METAP1D: variants seen among roughly 807,000 people sequenced by gnomAD.
METAP1D encodes the protein methionine aminopeptidase 1D, mitochondrial.
METAP1D carries 31 observed loss-of-function variants against 40.5 expected under a neutral mutation model. That is an observed-to-expected ratio of 0.77 (90% CI 0.58 to 1.03). The LOEUF (loss-of-function observed/expected upper bound fraction) is 1.03, where lower values mean the gene tolerates loss of function less well. Ranked by LOEUF, METAP1D falls within the 50% of genes least tolerant of loss-of-function variation. The probability of loss-of-function intolerance (pLI) is 0.00; values close to 1 mark genes in which losing one functional copy is unlikely to be tolerated. For missense variants in METAP1D, 411 were observed against 420.7 expected, an observed-to-expected ratio of 0.98 and a Z score of 0.20; for synonymous variants, 151 against 146.4, an observed-to-expected ratio of 1.03 and a Z score of -0.22.
rs546751682 is a variant in METAP1D, at chr2:172,067,277, G to A, written c.540+971G>A. Among the ~76,000 whole-genome samples the A allele has an allele frequency of 2.0e-5, 3 of 152,290 alleles. No homozygotes were observed. The South Asian group carries it at 6.2e-4, about 32-fold the overall frequency. On this transcript the variant is annotated intron_variant, in intron 5 of 9. Transcript: ENST00000315796. Reference sequence around the variant, plus strand: ...TAATAAGGAAGTGTTTTTAAGAATAGTATCTAGACCATGAAACTGAAGTAG... The same window carrying A: ...TAATAAGGAAGTGTTTTTAAGAATAATATCTAGACCATGAAACTGAAGTAG...
intron 1 of METAP1D, among the ~76,000 whole-genome samples, chr2:172,054,329 G>A (rs1187037035): frequency 2.0e-5 from 3 of 152,046 alleles, no homozygotes; most frequent in African/African-American, 7.2e-5. Context: ...AGACCATCCT[G>A]GCCAACATGG....
intron 1 of METAP1D, among the ~76,000 whole-genome samples, chr2:172,005,545 T>TATATATATATATA (rs1558990285): frequency 1.0e-5 from 1 of 99,524 alleles, no homozygotes; most frequent in Non-Finnish European, 2.3e-5. Flanking sequence ...TATATATATA[T>TATATATATATATA]CTTTTTTTTT....
At chr2:172,078,879 G>A (rs1411862860) in intron 7 of METAP1D, among the ~76,000 whole-genome samples, 1 of 152,198 alleles carries the variant, frequency 6.6e-6, no homozygotes, top group Non-Finnish European at 1.5e-5. Flanking sequence ...CCAGGACCCA[G>A]TAGTAGGCTG....
intron 1 of METAP1D, among the ~76,000 whole-genome samples, chr2:172,013,553 A>G (rs773677115): frequency 2.6e-5 from 4 of 152,178 alleles, no homozygotes; most frequent in Non-Finnish European, 5.9e-5. Flanking sequence ...TAGGGTGGTG[A>G]GGCCTGTATA....
chr2:172,078,717 C>T (rs868689718), intron 7 of METAP1D, among the ~76,000 whole-genome samples: 13 of 152,212 alleles, frequency 8.5e-5, no homozygotes, highest in African/African-American at 2.7e-4. Context: ...AGTGCAGAAA[C>T]GGCTTGTCAG....
In METAP1D at chr2:172,081,165, T is replaced by A. The variant is rs1172495214; in HGVS notation, c.*759T>A. 1 of 112,260 alleles carries A rather than the reference T, an allele frequency of 8.9e-6. No individual in the cohort carries two copies. Among genetic ancestry groups the A allele is most frequent in the South Asian group, 3.5e-4 (1 of 2,836 alleles). 7.0% of individuals were successfully genotyped at this position (112,260 alleles called of 1,614,324 possible). ...AGTCCAGAGGTGAAGTTTGAGGCCC[T>A]CCCCCCACCCACCCCACACGCACGC... On this transcript the variant is annotated 3_prime_UTR_variant, in exon 10 of 10. Coordinates refer to ENST00000315796, the MANE Select transcript of METAP1D (RefSeq NM_199227.3).
At chr2:172,036,824 C>G (rs1188143504) in intron 1 of METAP1D, among the ~76,000 whole-genome samples, 1 of 152,154 alleles carries the variant, frequency 6.6e-6, no homozygotes, top group Admixed American at 6.6e-5. Flanking sequence ...CAGCAGTATT[C>G]GAGAGATCTT....
At chr2:172,054,673 A>G (rs1326461063) in intron 1 of METAP1D, among the ~76,000 whole-genome samples, 1 of 152,218 alleles carries the variant, frequency 6.6e-6, no homozygotes, top group African/African-American at 2.4e-5. Context: ...ATTTAAAACC[A>G]TAACCTAGAT....
At chr2:172,062,568 G>T (rs931532412) in intron 2 of METAP1D, among the ~76,000 whole-genome samples, 12 of 152,224 alleles carry the variant, frequency 7.9e-5, no homozygotes, top group African/African-American at 2.7e-4. Flanking sequence ...CTGCCTGCAA[G>T]TTATAACCTT....
chr2:172,030,115 G>A (rs1325838697), intron 1 of METAP1D, among the ~76,000 whole-genome samples: 2 of 143,452 alleles, frequency 1.4e-5, no homozygotes, highest in African/African-American at 5.0e-5. Flanking sequence ...TTGAGGCAGA[G>A]TTTCACTCTT....
At chr2:172,058,525 C>T (rs999183632) in intron 1 of METAP1D, among the ~76,000 whole-genome samples, 7 of 148,624 alleles carry the variant, frequency 4.7e-5, no homozygotes, top group Non-Finnish European at 8.9e-5. Context: ...TTACACAATA[C>T]ATACCTGCCT....
intron 1 of METAP1D, among the ~76,000 whole-genome samples, chr2:172,014,163 G>A (rs1688794467): frequency 6.6e-6 from 1 of 150,818 alleles, no homozygotes; most frequent in Non-Finnish European, 1.5e-5. Flanking sequence ...TGTCACCCAG[G>A]CTGGAGTGCA....
At chr2:172,079,284 A>G in intron 8 of METAP1D, 22 bp downstream of exon 8, 1 of 1,613,438 alleles carries the variant, frequency 6.2e-7, no homozygotes, top group South Asian at 1.1e-5. Context: ...TCCTCTTCCG[A>G]GTGAGTGCGT....
intron 7 of METAP1D, 122 bp from the exon 8 acceptor site, chr2:172,079,093 T>C (rs1456726697): frequency 2.1e-6 from 2 of 959,392 alleles, no homozygotes; most frequent in Non-Finnish European, 3.2e-6. Flanking sequence ...CCACCCTTCC[T>C]TCTCTAAAAG....
At chr2:172,010,857 C>T (rs1423701605) in intron 1 of METAP1D, among the ~76,000 whole-genome samples, 2 of 150,244 alleles carry the variant, frequency 1.3e-5, no homozygotes, top group Non-Finnish European at 3.0e-5. Context: ...CAGGTTCAAG[C>T]GATTGTCCTG....
chr2:172,008,242 C>T (rs1292736359), intron 1 of METAP1D, among the ~76,000 whole-genome samples: 1 of 152,052 alleles, frequency 6.6e-6, no homozygotes, highest in African/African-American at 2.4e-5. Context: ...GACATTGTGG[C>T]CTGGAGACAT....
chr2:172,073,639 C>T (rs932073446), intron 6 of METAP1D, among the ~76,000 whole-genome samples: 10 of 152,136 alleles, frequency 6.6e-5, no homozygotes, highest in East Asian at 1.9e-4. Context: ...AAACTGGCCC[C>T]GATTCTAACA....
At chr2:172,072,646 C>CT (rs1227298540) in intron 6 of METAP1D, among the ~76,000 whole-genome samples, 1 of 152,076 alleles carries the variant, frequency 6.6e-6, no homozygotes, top group Non-Finnish European at 1.5e-5. Flanking sequence ...ATTTTTTAAA[C>CT]TTTTTTTCTG....
chr2:172,065,294 C>G, intron 3 of METAP1D, among the ~76,000 whole-genome samples: 1 of 152,126 alleles, frequency 6.6e-6, no homozygotes, highest in Non-Finnish European at 1.5e-5. Flanking sequence ...TGCCGAAGAA[C>G]ATAATTTTGA....
Sources: allele counts gnomAD v4.1 joint callset (sites outside exome capture counted in the v4.1 genomes callset), GRCh38; gene constraint gnomAD v4.1.1; transcripts MANE v1.5; gene names NCBI Gene and HGNC (gene_info 2026-07-23, HGNC 2026-07-21).